GRIA1: variants seen among roughly 807,000 people sequenced by gnomAD.
The protein encoded by GRIA1 is glutamate receptor 1.
Under a neutral mutation model 99.2 loss-of-function variants are expected in GRIA1, and 31 were observed. That is an observed-to-expected ratio of 0.31 (90% CI 0.23 to 0.42). The LOEUF is 0.42. Among genes scored for constraint, GRIA1 ranks in the 10% least tolerant of loss-of-function variants. The pLI is 1.00. For synonymous variants in GRIA1, 438 were observed against 432.4 expected, an observed-to-expected ratio of 1.01 and a Z score of -0.16; for missense variants, 782 against 1,157.5, an observed-to-expected ratio of 0.68 and a Z score of 4.71.
At chr5:153,778,188 A>AGTGT in intron 13 of GRIA1, among the ~76,000 whole-genome samples, 1 of 86,286 alleles carries the variant, frequency 1.2e-5, no homozygotes, top group African/African-American at 4.9e-5. Context: ...AGAGAGAGAG[A>AGTGT]GAGAGTGTGT....
At chr5:153,729,047 T>G (rs902863184) in intron 11 of GRIA1, among the ~76,000 whole-genome samples, 1 of 147,840 alleles carries the variant, frequency 6.8e-6, no homozygotes, top group Non-Finnish European at 1.5e-5. Flanking sequence ...TGGAATACTA[T>G]GCAGCCATAA....
chr5:153,806,147 C>T (rs769546691), intron 15 of GRIA1, among the ~76,000 whole-genome samples: 5 of 152,138 alleles, frequency 3.3e-5, no homozygotes, highest in Non-Finnish European at 7.4e-5. Context: ...GAAGTGCAGC[C>T]CCCAACCTTA....
intron 2 of GRIA1, among the ~76,000 whole-genome samples, chr5:153,635,572 C>A (rs1753288141): frequency 6.6e-6 from 1 of 152,178 alleles, no homozygotes; most frequent in Non-Finnish European, 1.5e-5. Context: ...CAGCCTTGGA[C>A]TGTAGCCTTT....
chr5:153,667,584 G>A (rs1755839546), intron 5 of GRIA1, among the ~76,000 whole-genome samples: 6 of 152,254 alleles, frequency 3.9e-5, no homozygotes, highest in Admixed American at 1.3e-4. Context: ...GCCAGACATG[G>A]TACTAAGTGC....
chr5:153,735,210 T>A (rs763194160), intron 11 of GRIA1, among the ~76,000 whole-genome samples: 3 of 152,168 alleles, frequency 2.0e-5, no homozygotes, highest in Non-Finnish European at 2.9e-5. Flanking sequence ...GAGGATATTG[T>A]AGCAGGAAGA....
rs920225624 is a variant in GRIA1 at position 153,742,891 on chromosome 5, A to G, written c.1824-21543A>G. Among the ~76,000 whole-genome samples, 15 of 152,224 alleles carry G rather than the reference A, an allele frequency of 9.9e-5. No individual in the cohort carries two copies. The East Asian group carries it at 2.9e-3, about 29-fold the overall frequency. On this transcript the variant is annotated intron_variant, in intron 11 of 15. Transcript: ENST00000285900. ...GATCCCTAACCTTAATTCTGTCTGA[A>G]TGGTCTCTTTGCCTTGTAATGTCAC... is the stretch of plus-strand genomic sequence containing the variant.
intron 2 of GRIA1, among the ~76,000 whole-genome samples, chr5:153,515,854 T>G (rs1216112178): frequency 1.3e-5 from 2 of 152,158 alleles, no homozygotes; most frequent in African/African-American, 4.8e-5. Flanking sequence ...TAGTCCGGTG[T>G]TCAATAAGCA....
chr5:153,610,856 G>A lies in GRIA1; in HGVS notation c.221-36072G>A, dbSNP rs188363314. 2.6e-3 allele frequency among the ~76,000 whole-genome samples: 389 copies of A among 152,306 alleles called. 3 individuals carry two copies. The highest frequency in any genetic ancestry group is 8.9e-3 in the African/African-American group (369 of 41,562). On this transcript the variant is annotated intron_variant, in intron 2 of 15. Transcript: ENST00000285900. Reference sequence around the variant, plus strand: ...GCTATTTATAATTAATTTTGTTTTAGTATTATAATTGTATAGTAATGCTCA... The same window carrying A: ...GCTATTTATAATTAATTTTGTTTTAATATTATAATTGTATAGTAATGCTCA...
At chr5:153,574,071 G>GT (rs775331112) in intron 2 of GRIA1, among the ~76,000 whole-genome samples, 20 of 152,114 alleles carry the variant, frequency 1.3e-4, no homozygotes, top group Non-Finnish European at 2.1e-4. Context: ...AGGCAACACA[G>GT]TGATAAGTAA....
At position 153,650,323 on chromosome 5, in the gene GRIA1, A is replaced by T; in HGVS notation, c.461-7A>T. On this transcript the variant is annotated splice_region_variant and splice_polypyrimidine_tract_variant and intron_variant, in intron 3 of 15. Coordinates refer to ENST00000285900, the MANE Select transcript of GRIA1 (RefSeq NM_000827.4). ...TGTCATTTCTCTTCTACTCATCTGAACTTTAGGCTTATCCGTCCTGCAGAA... is the reference window on the plus strand; with the variant it reads ...TGTCATTTCTCTTCTACTCATCTGATCTTTAGGCTTATCCGTCCTGCAGAA... 5.0e-6 allele frequency: 8 copies of T among 1,612,576 alleles called. No homozygotes were observed. Among genetic ancestry groups the T allele is most frequent in the Non-Finnish European group, 6.8e-6 (8 of 1,179,142 alleles).
chr5:153,632,203 C>G (rs533641378), intron 2 of GRIA1, among the ~76,000 whole-genome samples: 2 of 152,114 alleles, frequency 1.3e-5, no homozygotes, highest in Non-Finnish European at 2.9e-5. Context: ...ATTAAAGTGA[C>G]AAAGGCAAGT....
At chr5:153,648,358 G>A (rs779963340) in intron 3 of GRIA1, among the ~76,000 whole-genome samples, 1 of 152,118 alleles carries the variant, frequency 6.6e-6, no homozygotes, top group Non-Finnish European at 1.5e-5. Context: ...AAGTAATAAA[G>A]CCAGAAAAAT....
chr5:153,602,218 A>G (rs932281440), intron 2 of GRIA1, among the ~76,000 whole-genome samples: 1 of 152,188 alleles, frequency 6.6e-6, no homozygotes, highest in African/African-American at 2.4e-5. Context: ...TGATGAGTTC[A>G]TGTCCTTTGT....
At chr5:153,633,502 T>A (rs1753122962) in intron 2 of GRIA1, among the ~76,000 whole-genome samples, 1 of 152,092 alleles carries the variant, frequency 6.6e-6, no homozygotes, top group African/African-American at 2.4e-5. Context: ...AGGAGCATCT[T>A]GGCAGAGAAG....
intron 13 of GRIA1, among the ~76,000 whole-genome samples, chr5:153,779,880 C>T (rs890476777): frequency 1.3e-5 from 2 of 152,104 alleles, no homozygotes; most frequent in Non-Finnish European, 2.9e-5. Flanking sequence ...TTTTATAATG[C>T]CTGGTTGAGA....
At chr5:153,528,750 A>G (rs1757836373) in intron 2 of GRIA1, among the ~76,000 whole-genome samples, 1 of 152,218 alleles carries the variant, frequency 6.6e-6, no homozygotes, top group Admixed American at 6.5e-5. Context: ...AGTAGACATC[A>G]CATTCATCCA....
chr5:153,792,316 A>G (rs1765348994), intron 13 of GRIA1, among the ~76,000 whole-genome samples: 1 of 152,150 alleles, frequency 6.6e-6, no homozygotes, highest in South Asian at 2.1e-4. Context: ...TATTGACCCC[A>G]AACAGGATTA....
intron 2 of GRIA1, among the ~76,000 whole-genome samples, chr5:153,570,289 C>T (rs1451314234): frequency 6.6e-6 from 1 of 152,026 alleles, no homozygotes; most frequent in Non-Finnish European, 1.5e-5. Flanking sequence ...AAATAATAAA[C>T]CTATTTAGAT....
intron 2 of GRIA1, among the ~76,000 whole-genome samples, chr5:153,528,472 C>T (rs144153171): frequency 6.4e-4 from 98 of 152,264 alleles, no homozygotes; most frequent in African/African-American, 2.3e-3. Flanking sequence ...GTGCATCAGA[C>T]TCACCTGGAA....
Sources: allele counts gnomAD v4.1 joint callset (sites outside exome capture counted in the v4.1 genomes callset), GRCh38; gene constraint gnomAD v4.1.1; transcripts MANE v1.5; gene names NCBI Gene and HGNC (gene_info 2026-07-23, HGNC 2026-07-21).